Variants in SNTG2 observed in about 807,000 individuals in gnomAD.
The protein encoded by SNTG2 is gamma-2-syntrophin.
A neutral mutation model predicts 70.9 loss-of-function variants in SNTG2; 74 were observed. The observed-to-expected ratio is 1.04, with a 90% CI of 0.86 to 1.27. The LOEUF is 1.27. Ranked by LOEUF, SNTG2 falls within the 50% of genes most tolerant of loss-of-function variation. The pLI is 0.00. For missense variants in SNTG2, 717 were observed against 690.7 expected (o/e 1.04, Z -0.43); for synonymous variants, 278 against 273.8 (o/e 1.02, Z -0.15).
intron 4 of SNTG2, among the ~76,000 whole-genome samples, chr2:1,117,232 T>C (rs1369842936): frequency 6.6e-6 from 1 of 152,158 alleles, no homozygotes; most frequent in Admixed American, 6.5e-5. Context: ...AGTCTTTTTC[T>C]AATTCCAAAG....
intron 8 of SNTG2, among the ~76,000 whole-genome samples, chr2:1,190,487 A>T (rs1672514283): frequency 7.6e-6 from 1 of 132,372 alleles, no homozygotes; most frequent in Non-Finnish European, 1.6e-5. Context: ...ACAAATATGG[A>T]GGGCTGACTA....
chr2:990,267 A>T (rs1661448044), intron 1 of SNTG2, among the ~76,000 whole-genome samples: 1 of 152,172 alleles, frequency 6.6e-6, no homozygotes, highest in South Asian at 2.1e-4. Flanking sequence ...CTTGCTGTGT[A>T]CTTTGCAGGT....
chr2:1,067,902 G>A (rs1272153814), intron 1 of SNTG2, among the ~76,000 whole-genome samples: 1 of 152,180 alleles, frequency 6.6e-6, no homozygotes, highest in African/African-American at 2.4e-5. Context: ...GGAAGTGCAG[G>A]CTTATGGGTC....
chr2:1,280,928 T>G (rs1679483243), intron 14 of SNTG2, among the ~76,000 whole-genome samples: 1 of 152,232 alleles, frequency 6.6e-6, no homozygotes, highest in Non-Finnish European at 1.5e-5. Flanking sequence ...TGAAGTTATA[T>G]GCTGCTGCTG....
intron 1 of SNTG2, among the ~76,000 whole-genome samples, chr2:988,898 C>T (rs1661412065): frequency 6.6e-6 from 1 of 152,118 alleles, no homozygotes; most frequent in Non-Finnish European, 1.5e-5. Context: ...TTATTTAGAT[C>T]TCCTTTGAAT....
At chr2:1,145,837 C>T (rs7588189) in intron 6 of SNTG2, among the ~76,000 whole-genome samples, 1 of 152,174 alleles carries the variant, frequency 6.6e-6, no homozygotes, top group Admixed American at 6.5e-5. Flanking sequence ...TCAGCAACGT[C>T]TAAAAAGAAT....
At chr2:1,126,726 G>C (rs559722924) in intron 4 of SNTG2, among the ~76,000 whole-genome samples, 21 of 152,038 alleles carry the variant, frequency 1.4e-4, no homozygotes, top group Non-Finnish European at 2.4e-4. Flanking sequence ...CTGATGATTA[G>C]TGATTTTAAG....
rs1321171982 is a variant in SNTG2, at chr2:1,306,504, C to T, written c.1285-1990C>T. Among the ~76,000 whole-genome samples, 3 of 152,204 alleles carry T rather than the reference C, an allele frequency of 2.0e-5. No homozygotes were observed. The East Asian group carries it at 5.8e-4, about 29-fold the overall frequency. ...AGAATGAGAGACAAGTGAGGAAGAG[C>T]CTCCCGAGCTATGCAGCCACAGGGC... On this transcript the variant is annotated intron_variant, in intron 14 of 16. Transcript: ENST00000308624.
At chr2:1,231,940 T>C (rs1047312580) in intron 9 of SNTG2, among the ~76,000 whole-genome samples, 8 of 152,208 alleles carry the variant, frequency 5.3e-5, no homozygotes, top group African/African-American at 1.9e-4. Flanking sequence ...AGGCTCGTGA[T>C]GGCTCCACGG....
At chr2:1,307,099 C>G (rs560367690) in intron 14 of SNTG2, among the ~76,000 whole-genome samples, 1 of 138,334 alleles carries the variant, frequency 7.2e-6, no homozygotes. Flanking sequence ...GAACCATGCA[C>G]TGTGTGTGTG....
intron 8 of SNTG2, among the ~76,000 whole-genome samples, chr2:1,192,701 C>T (rs1672672992): frequency 6.6e-6 from 1 of 152,080 alleles, no homozygotes; most frequent in Admixed American, 6.6e-5. Context: ...CAAGGGAAAA[C>T]ATACTAAGGT....
chr2:1,010,746 C>T (rs1279867478), intron 1 of SNTG2, among the ~76,000 whole-genome samples: 1 of 152,216 alleles, frequency 6.6e-6, no homozygotes, highest in Non-Finnish European at 1.5e-5. Flanking sequence ...GTCTCTGCTG[C>T]TCCCGGAGCC....
At chr2:1,264,101 T>C (rs775799561) in intron 13 of SNTG2, among the ~76,000 whole-genome samples, 4 of 152,242 alleles carry the variant, frequency 2.6e-5, no homozygotes, top group Non-Finnish European at 4.4e-5. Flanking sequence ...ACAAACTGTG[T>C]AGCTTAAAAA....
intron 2 of SNTG2, 42 bp from the exon 3 acceptor site, chr2:1,098,154 A>G: frequency 4.4e-6 from 7 of 1,603,008 alleles, no homozygotes; most frequent in Non-Finnish European, 6.0e-6. Flanking sequence ...CTGATAGTGC[A>G]TTTTAACCTA....
chr2:987,487 A>G (rs1661363236), intron 1 of SNTG2, among the ~76,000 whole-genome samples: 1 of 151,838 alleles, frequency 6.6e-6, no homozygotes, highest in Admixed American at 6.6e-5. Flanking sequence ...TGTCAGCGTC[A>G]GAGGAGAGGT....
At chr2:1,288,656 A>G (rs74637789) in intron 14 of SNTG2, among the ~76,000 whole-genome samples, 1 of 144,782 alleles carries the variant, frequency 6.9e-6, no homozygotes, top group African/African-American at 2.5e-5. Context: ...ATACATACAT[A>G]CATTTTTGTG....
intron 1 of SNTG2, among the ~76,000 whole-genome samples, chr2:1,055,813 A>G (rs1662355493): frequency 6.6e-6 from 1 of 152,068 alleles, no homozygotes; most frequent in African/African-American, 2.4e-5. Flanking sequence ...TCTGAATTGT[A>G]TTTTCCATTC....
In SNTG2 at chr2:1,222,119, C is replaced by CTG. The variant is rs1228556001; in HGVS notation, c.719+12890_719+12891insGT. Among the ~76,000 whole-genome samples the CTG allele has an allele frequency of 1.2e-4, 13 of 107,718 alleles. 1 individual carries two copies. Among genetic ancestry groups the CTG allele is most frequent in the East Asian group, 2.9e-4 (1 of 3,440 alleles). The allele number at this position is 107,718 out of a possible 152,430, so 70.7% of individuals were successfully genotyped here. On this transcript the variant is annotated intron_variant, in intron 9 of 16. Transcript: ENST00000308624. The stretch of plus-strand genomic sequence containing the variant: ...TGTCTCTCTCTGTCTCTCTCTGTCT[C>CTG]TCTCTGTCTCTCTCTGTCTCTCTCT...
chr2:1,223,808 G>T (rs1476609474), intron 9 of SNTG2, among the ~76,000 whole-genome samples: 1 of 152,320 alleles, frequency 6.6e-6, no homozygotes, highest in South Asian at 2.1e-4. Flanking sequence ...GTCAGTGTGG[G>T]CTGCCATAGC....
Sources: allele counts gnomAD v4.1 joint callset (sites outside exome capture counted in the v4.1 genomes callset), GRCh38; gene constraint gnomAD v4.1.1; transcripts MANE v1.5; gene names NCBI Gene and HGNC (gene_info 2026-07-23, HGNC 2026-07-21).